MPPED2: variants seen among roughly 807,000 people sequenced by gnomAD.
MPPED2 encodes metallophosphoesterase domain containing 2, also known as metallophosphoesterase MPPED2.
MPPED2 carries 5 observed loss-of-function variants against 33.0 expected under a neutral mutation model. That is an observed-to-expected ratio of 0.15 (90% CI 0.08 to 0.32). The LOEUF is 0.32. Among genes scored for constraint, MPPED2 ranks in the 10% least tolerant of loss-of-function variants. The pLI is 1.00. For synonymous variants in MPPED2, 136 were observed against 141.9 expected (o/e 0.96, Z 0.29); for missense variants, 275 against 372.1 (o/e 0.74, Z 2.15).
At chr11:30,487,095 G>T (rs1376220914) in intron 4 of MPPED2, among the ~76,000 whole-genome samples, 1 of 152,166 alleles carries the variant, frequency 6.6e-6, no homozygotes, top group East Asian at 1.9e-4. Context: ...CAAAGTACAG[G>T]TCCTTGCTCT....
At chr11:30,576,917 T>C (rs1225572335) in intron 2 of MPPED2, among the ~76,000 whole-genome samples, 1 of 152,016 alleles carries the variant, frequency 6.6e-6, no homozygotes. Context: ...AAGCAGAGAT[T>C]CAAGCCAGTC....
At chr11:30,548,764 C>T (rs188977812) in intron 2 of MPPED2, among the ~76,000 whole-genome samples, 26 of 152,256 alleles carry the variant, frequency 1.7e-4, no homozygotes, top group Admixed American at 1.7e-3. Flanking sequence ...GGGAGAGAGT[C>T]ATGAAAGGAT....
intron 5 of MPPED2, among the ~76,000 whole-genome samples, chr11:30,416,974 T>A (rs931987065): frequency 6.6e-6 from 1 of 152,196 alleles, no homozygotes; most frequent in Non-Finnish European, 1.5e-5. Context: ...GCCTGTAGGG[T>A]AAGTATCCTT....
At chr11:30,476,652 A>G (rs1951215419) in intron 4 of MPPED2, among the ~76,000 whole-genome samples, 1 of 152,062 alleles carries the variant, frequency 6.6e-6, no homozygotes, top group Non-Finnish European at 1.5e-5. Context: ...AAAGCTTCAT[A>G]GTAAGCCTGA....
chr11:30,408,133 G>C (rs192474348), downstream of MPPED2, among the ~76,000 whole-genome samples: 1 of 152,194 alleles, frequency 6.6e-6, no homozygotes, highest in East Asian at 1.9e-4. Flanking sequence ...GCACTAGTCC[G>C]AGGTGGGGCC....
chr11:30,497,448 C>T (rs1952323414), intron 3 of MPPED2, among the ~76,000 whole-genome samples: 1 of 152,138 alleles, frequency 6.6e-6, no homozygotes, highest in African/African-American at 2.4e-5. Context: ...CTTCCAAGGC[C>T]GGTCCTTACT....
At chr11:30,386,647 A>C (rs1011882027) in exon 7 of MPPED2, 11 of 398,300 alleles carry the variant, frequency 2.8e-5, no homozygotes, top group Non-Finnish European at 4.9e-5. Flanking sequence ...TGGGGTTCAG[A>C]ATTTGGATCC....
chr11:30,465,402 C>T (rs1292910102), intron 4 of MPPED2, among the ~76,000 whole-genome samples: 1 of 152,240 alleles, frequency 6.6e-6, no homozygotes, highest in African/African-American at 2.4e-5. Flanking sequence ...ACCCTCCCAA[C>T]TCAGCTTCCT....
chr11:30,489,291 C>T (rs1052017784), intron 4 of MPPED2, among the ~76,000 whole-genome samples: 2 of 152,182 alleles, frequency 1.3e-5, no homozygotes, highest in Non-Finnish European at 2.9e-5. Flanking sequence ...CTGACGCTTT[C>T]CTGACAGAGT....
chr11:30,495,234 G>T, intron 4 of MPPED2, 62 bp downstream of exon 4: 1 of 1,115,332 alleles, frequency 9.0e-7, no homozygotes, highest in Non-Finnish European at 1.4e-6. Flanking sequence ...CTAAATCTGA[G>T]CTGTGTTTTC....
intron 2 of MPPED2, among the ~76,000 whole-genome samples, chr11:30,575,976 T>A (rs1956913425): frequency 6.6e-6 from 1 of 152,198 alleles, no homozygotes; most frequent in Non-Finnish European, 1.5e-5. Flanking sequence ...TATTTATTCA[T>A]TTGTATACAC....
At chr11:30,446,580 G>A (rs901101357) in intron 4 of MPPED2, among the ~76,000 whole-genome samples, 14 of 152,144 alleles carry the variant, frequency 9.2e-5, no homozygotes, top group Admixed American at 7.2e-4. Context: ...GCTCTGCAAG[G>A]CTGTTTTATT....
intron 4 of MPPED2, among the ~76,000 whole-genome samples, chr11:30,484,741 G>A (rs1159616787): frequency 1.3e-5 from 2 of 152,080 alleles, no homozygotes; most frequent in Non-Finnish European, 2.9e-5. Context: ...CAAATGCAGC[G>A]GAATATGGGG....
chr11:30,422,432 T>G (rs780780950), intron 4 of MPPED2, among the ~76,000 whole-genome samples: 6 of 152,190 alleles, frequency 3.9e-5, no homozygotes, highest in Non-Finnish European at 7.3e-5. Flanking sequence ...TTACCTAAAC[T>G]GCTTGTGAGG....
At chr11:30,435,583 A>T (rs1295894428) in intron 4 of MPPED2, among the ~76,000 whole-genome samples, 1 of 152,212 alleles carries the variant, frequency 6.6e-6, no homozygotes, top group African/African-American at 2.4e-5. Flanking sequence ...AATCTCACAA[A>T]GTTGAAGAGC....
intron 3 of MPPED2, among the ~76,000 whole-genome samples, chr11:30,514,093 C>CAG (rs1953382478): frequency 6.6e-6 from 1 of 152,208 alleles, no homozygotes; most frequent in African/African-American, 2.4e-5. Context: ...GCACAGCCCC[C>CAG]AGTTTTATTC....
Position 30,469,714 on chromosome 11 carries a change from T to TATTATC in MPPED2, c.536+25576_536+25581dup, listed in dbSNP as rs200792778. The stretch of plus-strand genomic sequence containing the variant: ...GAGTAAGCCCTCAAATGCAATGTGT[T>TATTATC]ATTATCATTATCATTATCATCTTCA... On this transcript the variant is annotated intron_variant, in intron 4 of 6. Transcript: ENST00000358117. Among the ~76,000 whole-genome samples, 1,057 of 152,278 alleles carry TATTATC rather than the reference T, an allele frequency of 6.9e-3. 40 individuals are homozygous for TATTATC. In the East Asian group the frequency reaches 0.08, roughly 12 times the overall value.
intron 4 of MPPED2, among the ~76,000 whole-genome samples, chr11:30,452,898 C>G (rs1312498861): frequency 2.6e-5 from 4 of 151,916 alleles, no homozygotes; most frequent in African/African-American, 9.7e-5. Context: ...AAAAAAAGAG[C>G]CTTGGTGGGG....
exon 7 of MPPED2, chr11:30,386,662 T>C (rs1384885770): frequency 1.0e-5 from 4 of 398,464 alleles, no homozygotes; most frequent in Non-Finnish European, 1.8e-5. Flanking sequence ...GGATCCCAAA[T>C]AAATGAATGA....
Sources: gnomAD v4.1 joint callset for allele counts (sites outside exome capture counted in the v4.1 genomes callset) on GRCh38, gnomAD v4.1.1 for gene constraint, MANE v1.5 for transcripts, NCBI Gene and HGNC (gene_info 2026-07-23, HGNC 2026-07-21) for gene names.